Variants in C5orf46 observed in about 807,000 individuals in gnomAD.
C5orf46 encodes uncharacterized protein C5orf46.
Under a neutral mutation model 8.9 loss-of-function variants are expected in C5orf46, and 9 were observed. The observed-to-expected ratio is 1.01, with a 90% CI of 0.61 to 1.76. C5orf46 has a LOEUF of 1.76. C5orf46 is among the 40% of genes most tolerant of loss of function. The pLI, the probability that C5orf46 is intolerant of heterozygous loss-of-function variation, is 0.00. For synonymous variants in C5orf46, 47 were observed against 41.4 expected, an observed-to-expected ratio of 1.14 and a Z score of -0.52; for missense variants, 98 against 107.8, an observed-to-expected ratio of 0.91 and a Z score of 0.40.
chr5:147,898,005 C>A (rs1433370734), intron 2 of C5orf46, among the ~76,000 whole-genome samples: 1 of 152,098 alleles, frequency 6.6e-6, no homozygotes, highest in Non-Finnish European at 1.5e-5. Context: ...CAGCCTAATG[C>A]ATTTGCTTGA....
rs1354151676 is a variant in C5orf46, at chr5:147,906,282, G to A, written c.70+150C>T. On this transcript the variant is annotated intron_variant, in intron 1 of 3. Coordinates refer to ENST00000318315, the MANE Select transcript of C5orf46 (RefSeq NM_206966.3). ...TTAAAATTCTACTTTCTTTGTGTTA[G>A]AAGATACACCTCTTGTCTCCCAGGC... The A allele has an allele frequency of 1.1e-5, 5 of 441,540 alleles. No individual in the cohort carries two copies. The East Asian group carries it at 1.4e-4, about 12-fold the overall frequency. The allele number at this position is 441,540 out of a possible 1,614,324, so 27.4% of individuals were successfully genotyped here.
intron 2 of C5orf46, among the ~76,000 whole-genome samples, chr5:147,900,571 A>G (rs1202830647): frequency 6.6e-6 from 1 of 152,250 alleles, no homozygotes; most frequent in Non-Finnish European, 1.5e-5. Context: ...CATCTGATCA[A>G]GGCATGGCTT....
In C5orf46 at chr5:147,897,226, C is replaced by A. The variant is rs563475793; in HGVS notation, c.216-185G>T. ...GGGCAAGTAATTTATGCATAATTAT[C>A]TTTTTTGCATCTGCCAACAAACCCA... On this transcript the variant is annotated intron_variant, in intron 2 of 3. Transcript: ENST00000318315. 1.6e-3 allele frequency among the ~76,000 whole-genome samples: 251 copies of A among 152,232 alleles called. 1 individual carries two copies. The highest frequency in any genetic ancestry group is 5.6e-3 in the African/African-American group (234 of 41,522).
chr5:147,887,330 G>A (rs533621439), intron 2 of C5orf46: 1 of 152,206 alleles, frequency 6.6e-6, no homozygotes, highest in South Asian at 2.1e-4. Context: ...TTTCACTGGG[G>A]ATTCACAACT....
intron 3 of C5orf46, among the ~76,000 whole-genome samples, chr5:147,895,436 T>G (rs908120829): frequency 2.0e-5 from 3 of 152,206 alleles, no homozygotes; most frequent in Admixed American, 6.5e-5. Context: ...GTTAAAAAAT[T>G]TATGGCATTA....
chr5:147,892,544 G>A (rs2127124531), downstream of C5orf46, among the ~76,000 whole-genome samples: 1 of 152,194 alleles, frequency 6.6e-6, no homozygotes, highest in East Asian at 1.9e-4. Flanking sequence ...TTGGCTCTGT[G>A]AATTCGAACT....
intron 3 of C5orf46, 59 bp downstream of exon 3, chr5:147,896,923 ACT>A: frequency 1.4e-6 from 1 of 729,688 alleles, no homozygotes; most frequent in Non-Finnish European, 2.1e-6. Flanking sequence ...AACTGGACAG[ACT>A]CTTTTTCCTT....
At chr5:147,893,907 A>ATTTT (rs112629955) in intron 3 of C5orf46, among the ~76,000 whole-genome samples, 39 of 142,866 alleles carry the variant, frequency 2.7e-4, no homozygotes, top group African/African-American at 9.6e-4. Flanking sequence ...GGGAAGGCAT[A>ATTTT]TTTTTTTTTT....
At position 147,906,431 on chromosome 5, in the gene C5orf46, C is replaced by T. The variant is rs746765598; in HGVS notation, c.70+1G>A. 5.0e-6 allele frequency: 8 copies of T among 1,605,326 alleles called. No homozygotes were observed. In the Admixed American group the frequency reaches 1.3e-4, roughly 27 times the overall value. Reference sequence around the variant, plus strand: ...CATGGGCTGTGATCAGAAGCACTTACCTGCATAGCAGGTCAGGAATAAGAC... The same window carrying T: ...CATGGGCTGTGATCAGAAGCACTTATCTGCATAGCAGGTCAGGAATAAGAC... On this transcript the variant is annotated splice_donor_variant, in intron 1 of 3. Transcript: ENST00000318315. LOFTEE classifies it high-confidence loss of function.
intron 2 of C5orf46, chr5:147,901,230 T>G (rs1561632223): frequency 6.4e-6 from 1 of 156,082 alleles, no homozygotes; most frequent in Non-Finnish European, 1.4e-5. Context: ...TTATTTTAAC[T>G]TCACAGTTAA....
chr5:147,897,887 A>T (rs1757607944), intron 2 of C5orf46, among the ~76,000 whole-genome samples: 1 of 152,150 alleles, frequency 6.6e-6, no homozygotes, highest in Non-Finnish European at 1.5e-5. Flanking sequence ...GGTTTATACA[A>T]ACATGACCTG....
At chr5:147,903,374 A>G (rs1153086) in intron 1 of C5orf46, among the ~76,000 whole-genome samples, 1 of 152,062 alleles carries the variant, frequency 6.6e-6, no homozygotes, top group Non-Finnish European at 1.5e-5. Flanking sequence ...TATTCATTGC[A>G]TATCAGAAAT....
chr5:147,888,167 C>A (rs1010764), downstream of C5orf46, among the ~76,000 whole-genome samples: 74,997 of 152,020 alleles, frequency 0.49, 20,433 homozygotes, highest in East Asian at 0.7. Flanking sequence ...TAGAACTAAT[C>A]ACCATGTCCT....
intron 3 of C5orf46, among the ~76,000 whole-genome samples, chr5:147,894,684 A>G (rs1016184186): frequency 6.6e-6 from 1 of 151,744 alleles, no homozygotes; most frequent in Non-Finnish European, 1.5e-5. Context: ...ACAGCCAGCT[A>G]GTTATTCATT....
chr5:147,889,585 C>T (rs985607804), downstream of C5orf46, among the ~76,000 whole-genome samples: 1 of 152,124 alleles, frequency 6.6e-6, no homozygotes, highest in African/African-American at 2.4e-5. Flanking sequence ...AGCAAACCAC[C>T]ATGGCACACG....
chr5:147,906,482 C>T lies in C5orf46; in HGVS notation c.20G>A (p.Arg7His), dbSNP rs372380037. The T allele has an allele frequency of 4.7e-5, 76 of 1,611,522 alleles. 1 individual carries two copies. Among genetic ancestry groups the T allele is most frequent in the South Asian group, 1.5e-4 (14 of 90,362 alleles). MAVSVLRLTVVLGLLVL... is the reference protein window; with the variant it reads MAVSVLHLTVVLGLLVL... ...AAGCAGTCCCAGGACAACTGTCAGG[C>T]GAAGTACTGAGACAGCCATTCTGGT... The change falls in exon 1 of 4, where the codon CGC (arginine) becomes CAC (histidine). Residue 7 changes from arginine (R) to histidine (H), a missense_variant. By Grantham distance (29) the Arg-to-His change is conservative. Coordinates refer to ENST00000318315, the MANE Select transcript of C5orf46 (RefSeq NM_206966.3).
At position 147,898,046 on chromosome 5, in the gene C5orf46, C is replaced by A. The variant is rs184836111; in HGVS notation, c.216-1005G>T. ...GGAGGCAATGGAAATTCATGAAAAA[C>A]TTTCAAGCATGGCAGTGATATGACC... On this transcript the variant is annotated intron_variant, in intron 2 of 3. Transcript: ENST00000318315. Among the ~76,000 whole-genome samples the A allele has an allele frequency of 5.6e-3, 847 of 152,220 alleles. 6 individuals are homozygous for A. Among genetic ancestry groups the A allele is most frequent in the African/African-American group, 0.02 (815 of 41,556 alleles).
intron 1 of C5orf46, 29 bp downstream of exon 1, chr5:147,906,403 A>G (rs778045316): frequency 6.5e-7 from 1 of 1,527,662 alleles, no homozygotes; most frequent in East Asian, 2.3e-5. Flanking sequence ...CTACTGAACA[A>G]TTCATGGGCT....
chr5:147,901,608 A>C, intron 2 of C5orf46, 21 bp downstream of exon 2: 3 of 1,607,996 alleles, frequency 1.9e-6, no homozygotes, highest in Non-Finnish European at 2.5e-6. Flanking sequence ...GACAAAAAGC[A>C]ACGTTTTTCT....
Sources: allele counts gnomAD v4.1 joint callset (sites outside exome capture counted in the v4.1 genomes callset), GRCh38; gene constraint gnomAD v4.1.1; transcripts MANE v1.5; gene names NCBI Gene and HGNC (gene_info 2026-07-23, HGNC 2026-07-21).